GRM5: variants seen among roughly 807,000 people sequenced by gnomAD.
GRM5 encodes glutamate metabotropic receptor 5, also known as metabotropic glutamate receptor 5.
Under a neutral mutation model 83.1 loss-of-function variants are expected in GRM5, and 19 were observed. The observed-to-expected ratio is 0.23, with a 90% CI of 0.16 to 0.34. The LOEUF (loss-of-function observed/expected upper bound fraction) is 0.34, where lower values mean the gene tolerates loss of function less well. Among genes scored for constraint, GRM5 ranks in the 10% least tolerant of loss-of-function variants. GRM5 has a pLI of 1.00. For synonymous variants in GRM5, 675 were observed against 633.6 expected (o/e 1.07, Z -0.98); for missense variants, 1,160 against 1,588.3 (o/e 0.73, Z 4.58).
chr11:89,035,224 TTTA>T (rs1421980045), intron 2 of GRM5, among the ~76,000 whole-genome samples: 6 of 151,914 alleles, frequency 3.9e-5, no homozygotes, highest in African/African-American at 9.6e-5. Flanking sequence ...ATTTGTAGCT[TTTA>T]TTATACTTTA....
chr11:88,654,544 G>T (rs1242915025), intron 3 of GRM5, among the ~76,000 whole-genome samples: 1 of 152,040 alleles, frequency 6.6e-6, no homozygotes, highest in South Asian at 2.1e-4. Context: ...AAAGAGAGAA[G>T]AGAAGGAATA....
chr11:88,990,770 T>A (rs1473305316), intron 2 of GRM5, among the ~76,000 whole-genome samples: 1 of 151,652 alleles, frequency 6.6e-6, no homozygotes, highest in Non-Finnish European at 1.5e-5. Context: ...ACCACATGAT[T>A]ATCTCAATAG....
chr11:88,868,369 C>CT (rs139208145), intron 2 of GRM5, among the ~76,000 whole-genome samples: 3,875 of 151,648 alleles, frequency 0.026, 179 homozygotes, highest in African/African-American at 0.089. Flanking sequence ...CTTTCTAAGT[C>CT]TTTTTTTTCT....
chr11:88,814,995 G>A (rs940135441), intron 3 of GRM5, among the ~76,000 whole-genome samples: 1 of 152,096 alleles, frequency 6.6e-6, no homozygotes, highest in South Asian at 2.1e-4. Flanking sequence ...TAATTTAAAT[G>A]TCCCTCTCTC....
At chr11:89,058,968 G>C (rs911388325) in intron 1 of GRM5, among the ~76,000 whole-genome samples, 1 of 151,944 alleles carries the variant, frequency 6.6e-6, no homozygotes, top group Non-Finnish European at 1.5e-5. Context: ...CTATGTCTTT[G>C]AATAATTCTA....
chr11:88,772,784 C>T (rs1046062169), intron 3 of GRM5, among the ~76,000 whole-genome samples: 15 of 152,020 alleles, frequency 9.9e-5, no homozygotes, highest in Non-Finnish European at 2.2e-4. Flanking sequence ...TGAACTCATC[C>T]TTTTTTATGG....
In GRM5 at chr11:88,771,883, T is replaced by C. The variant is rs530467768; in HGVS notation, c.911+78023A>G. ...CCCTGAACATCTCCCTCCATTCCCA[T>C]GGCAATCACTGGTTTGTTCTCCCTC... On this transcript the variant is annotated intron_variant, in intron 3 of 9. Transcript: ENST00000305447. Among the ~76,000 whole-genome samples the C allele has an allele frequency of 5.9e-5, 9 of 152,270 alleles. No homozygotes were observed. In the East Asian group the frequency reaches 1.7e-3, roughly 29 times the overall value.
chr11:88,653,181 G>A lies in GRM5; in HGVS notation c.1134C>T (p.Asn378=), dbSNP rs768959786. The change falls in exon 4 of 10, where the codon AAC becomes AAT. Residue 378 remains asparagine, a synonymous_variant. Transcript: ENST00000305447. ...AAATCTGCTTACTATTGCAAGTCTT[G>A]TTGTATTTGCTGTTCTCCTGTGGAA... ...EGFPQENSKY[N]KTCNSSLTLK... 2 of 1,590,150 alleles carry A rather than the reference G, an allele frequency of 1.3e-6. No homozygotes were observed. Among genetic ancestry groups the A allele is most frequent in the South Asian group, 2.2e-5 (2 of 90,566 alleles).
At chr11:88,881,838 C>T (rs1400344581) in intron 2 of GRM5, among the ~76,000 whole-genome samples, 1 of 152,024 alleles carries the variant, frequency 6.6e-6, no homozygotes, top group East Asian at 1.9e-4. Flanking sequence ...ATTTTGAATA[C>T]AAATCATATC....
At chr11:88,872,092 A>G (rs1250614905) in intron 2 of GRM5, among the ~76,000 whole-genome samples, 1 of 151,550 alleles carries the variant, frequency 6.6e-6, no homozygotes, top group Non-Finnish European at 1.5e-5. Flanking sequence ...AAACAAAATG[A>G]GATGGACAGA....
chr11:88,704,803 T>C (rs1308277397), intron 3 of GRM5, among the ~76,000 whole-genome samples: 1 of 152,066 alleles, frequency 6.6e-6, no homozygotes, highest in Non-Finnish European at 1.5e-5. Flanking sequence ...ATACTTTTTC[T>C]GTTCTCTCCT....
intron 3 of GRM5, among the ~76,000 whole-genome samples, chr11:88,726,189 C>T (rs1157270272): frequency 6.6e-6 from 1 of 152,122 alleles, no homozygotes. Flanking sequence ...TAGAGAAGAA[C>T]ATAAATGACC....
chr11:88,789,960 T>C (rs371567446), intron 3 of GRM5, among the ~76,000 whole-genome samples: 90 of 152,232 alleles, frequency 5.9e-4, no homozygotes, highest in African/African-American at 1.7e-3. Flanking sequence ...GTTCAAGCAG[T>C]TTTCCTGCCT....
At chr11:88,810,099 A>T (rs2135496242) in intron 3 of GRM5, among the ~76,000 whole-genome samples, 1 of 152,186 alleles carries the variant, frequency 6.6e-6, no homozygotes, top group African/African-American at 2.4e-5. Flanking sequence ...TGCATCTAAT[A>T]TGATGACTTT....
intron 2 of GRM5, among the ~76,000 whole-genome samples, chr11:88,854,815 A>G (rs1451737217): frequency 6.6e-6 from 1 of 151,948 alleles, no homozygotes; most frequent in Non-Finnish European, 1.5e-5. Flanking sequence ...TAAAATAAAA[A>G]ACTTTCTGCT....
intron 2 of GRM5, among the ~76,000 whole-genome samples, chr11:89,009,919 A>T (rs867263966): frequency 2.4e-5 from 3 of 126,438 alleles, no homozygotes; most frequent in Middle Eastern, 3.8e-3. Flanking sequence ...AAAAAAAAAA[A>T]AAAAAAAAAA....
chr11:88,578,770 C>T (rs1172958292), intron 7 of GRM5, among the ~76,000 whole-genome samples: 1 of 151,892 alleles, frequency 6.6e-6, no homozygotes, highest in Non-Finnish European at 1.5e-5. Context: ...AATGTGTAAG[C>T]CCTGGAATCT....
intron 2 of GRM5, among the ~76,000 whole-genome samples, chr11:88,959,082 G>A (rs760999195): frequency 6.6e-5 from 10 of 152,026 alleles, no homozygotes; most frequent in Non-Finnish European, 1.3e-4. Flanking sequence ...GAGATATATG[G>A]CATTTTAATA....
At chr11:88,983,857 A>G (rs996627035) in intron 2 of GRM5, among the ~76,000 whole-genome samples, 2 of 152,090 alleles carry the variant, frequency 1.3e-5, no homozygotes, top group African/African-American at 2.4e-5. Flanking sequence ...AGTGGAAGAC[A>G]GTGATATTTA....
Sources: allele counts gnomAD v4.1 joint callset (sites outside exome capture counted in the v4.1 genomes callset), GRCh38; gene constraint gnomAD v4.1.1; transcripts MANE v1.5; gene names NCBI Gene and HGNC (gene_info 2026-07-23, HGNC 2026-07-21).